Variants in TOGARAM1 observed in about 807,000 individuals in gnomAD.
TOGARAM1 encodes the protein TOG array regulator of axonemal microtubules protein 1.
In TOGARAM1, 100 loss-of-function variants were observed where a neutral mutation model predicts 166.6. The observed-to-expected ratio is 0.60, with a 90% CI of 0.51 to 0.71. The LOEUF is 0.71. TOGARAM1 is among the 30% of genes least tolerant of loss of function. The pLI is 0.00. For synonymous variants in TOGARAM1, 758 were observed against 763.8 expected (o/e 0.99, Z 0.13); for missense variants, 2,029 against 2,102.7 (o/e 0.96, Z 0.69).
intron 16 of TOGARAM1, among the ~76,000 whole-genome samples, chr14:45,055,915 G>A (rs1882615400): frequency 6.9e-6 from 1 of 145,268 alleles, no homozygotes; most frequent in South Asian, 2.2e-4. Flanking sequence ...CTAAGTCTGT[G>A]ATAAATGATA....
chr14:45,002,479 A>G (rs963896820), intron 3 of TOGARAM1, among the ~76,000 whole-genome samples: 19 of 152,218 alleles, frequency 1.2e-4, no homozygotes, highest in African/African-American at 4.6e-4. Context: ...TTATACATTA[A>G]AACCACTACC....
At chr14:45,071,842 G>A (rs765991254) in intron 19 of TOGARAM1, 44 bp downstream of exon 19, 75 of 1,343,760 alleles carry the variant, frequency 5.6e-5, no homozygotes, top group Admixed American at 2.9e-4. Context: ...ATTAACTAAG[G>A]ATAAACTGAT....
Position 45,066,595 on chromosome 14 carries a change from G to A in TOGARAM1, c.4577G>A (p.Arg1526His), listed in dbSNP as rs751503051. 2.1e-5 allele frequency: 34 copies of A among 1,606,588 alleles called. No individual in the cohort carries two copies. The highest frequency in any genetic ancestry group is 1.7e-4 in the Middle Eastern group (1 of 6,042). ...NSAERAVTEV[R>H]EVTRKSVPRN... is the part of the protein sequence containing the mutation. Reference sequence around the variant, plus strand: ...CACTTTAGAGCTGTAACTGAAGTTCGTGAAGTCACCAGAAAATCAGTCCCT... The same window carrying A: ...CACTTTAGAGCTGTAACTGAAGTTCATGAAGTCACCAGAAAATCAGTCCCT... The change falls in exon 17 of 20, where the codon CGT (arginine) becomes CAT (histidine). Residue 1526 changes from arginine (R) to histidine (H), a missense_variant. By Grantham distance (29) the Arg-to-His change is conservative. Coordinates refer to ENST00000361462, the MANE Select transcript of TOGARAM1 (RefSeq NM_001308120.2).
intron 11 of TOGARAM1, among the ~76,000 whole-genome samples, chr14:45,040,123 G>T (rs1381607716): frequency 6.6e-6 from 1 of 152,134 alleles, no homozygotes; most frequent in South Asian, 2.1e-4. Flanking sequence ...TTGTTCTCTG[G>T]AATTAAATTG....
chr14:45,045,591 G>A (rs1362850764), intron 13 of TOGARAM1, among the ~76,000 whole-genome samples: 1,231 of 44,416 alleles, frequency 0.028, 14 homozygotes, highest in African/African-American at 0.064. Context: ...ATATGTGTGT[G>A]TGTGTGTGTG....
chr14:45,053,918 C>T (rs111760219), intron 15 of TOGARAM1, among the ~76,000 whole-genome samples: 1,947 of 152,026 alleles, frequency 0.013, 31 homozygotes, highest in African/African-American at 0.041. Context: ...CATGCTCTGT[C>T]GCTCAGGCTG....
Position 44,963,182 on chromosome 14 carries a change from C to T in TOGARAM1, c.761C>T (p.Thr254Ile), listed in dbSNP as rs751796645. The change falls in exon 1 of 20, where the codon ACC becomes ATC. Residue 254 changes from threonine (T) to isoleucine (I), a missense_variant. This residue lies in a region of TOGARAM1 where 1,453 missense variants were observed against 1,432.2 expected (regional missense o/e 1.01). Coordinates refer to ENST00000361462, the MANE Select transcript of TOGARAM1 (RefSeq NM_001308120.2). ...TEDLLLGLDL[T>I]EVIISLARKL... ...GACTTGTTGCTTGGTCTGGATCTCA[C>T]CGAGGTGATAATATCCCTAGCCCGA... The T allele has an allele frequency of 6.2e-7, 1 of 1,614,166 alleles. No individual in the cohort carries two copies. The highest frequency in any genetic ancestry group is 8.5e-7 in the Non-Finnish European group (1 of 1,180,042).
intron 13 of TOGARAM1, 77 bp downstream of exon 13, chr14:45,044,947 A>G (rs1881915195): frequency 1.9e-6 from 2 of 1,041,958 alleles, no homozygotes; most frequent in South Asian, 1.7e-5. Flanking sequence ...AAAAGAAACA[A>G]GCAAATCTTA....
intron 4 of TOGARAM1, among the ~76,000 whole-genome samples, chr14:45,004,740 CTG>C (rs1219343485): frequency 6.6e-6 from 1 of 152,102 alleles, no homozygotes; most frequent in Non-Finnish European, 1.5e-5. Context: ...GCTTGAGCCA[CTG>C]TGCTGGGCCA....
In TOGARAM1 at chr14:45,048,235, C is replaced by CTA. The variant is rs1338171958; in HGVS notation, c.4313+1532_4313+1533insTA. 2.0e-5 allele frequency among the ~76,000 whole-genome samples: 3 copies of CTA among 149,638 alleles called. No individual in the cohort carries two copies. The East Asian group carries it at 5.9e-4, about 29-fold the overall frequency. ...GGCATGGCGGCATGCGCCTGTAGTT[C>CTA]CAGCTACTCGGGAGGCTGAGGCAGG... On this transcript the variant is annotated intron_variant, in intron 14 of 19. Transcript: ENST00000361462.
chr14:45,005,469 G>C (rs1286270144), intron 4 of TOGARAM1, among the ~76,000 whole-genome samples: 1 of 151,934 alleles, frequency 6.6e-6, no homozygotes, highest in Non-Finnish European at 1.5e-5. Flanking sequence ...ACAAAAATTA[G>C]CCGGGCTGAT....
intron 1 of TOGARAM1, among the ~76,000 whole-genome samples, chr14:44,986,760 A>C (rs1886823912): frequency 6.6e-6 from 1 of 151,718 alleles, no homozygotes; most frequent in African/African-American, 2.4e-5. Context: ...TAATCCCAGC[A>C]CTTTGGGAGG....
At chr14:44,990,034 G>C (rs1426640952) in intron 1 of TOGARAM1, among the ~76,000 whole-genome samples, 1 of 152,146 alleles carries the variant, frequency 6.6e-6, no homozygotes, top group East Asian at 1.9e-4. Context: ...TGGGGGACAT[G>C]GTCCCCATGA....
chr14:45,037,810 G>A lies in TOGARAM1; in HGVS notation c.3812+5434G>A, dbSNP rs941066755. ...TGGGAGGCTGAGGCGGGCGGATCAC[G>A]AGGTCAGGAGATTGAGACCATCCTG... On this transcript the variant is annotated intron_variant, in intron 11 of 19. Transcript: ENST00000361462. 5.3e-5 allele frequency among the ~76,000 whole-genome samples: 8 copies of A among 151,190 alleles called. No individual in the cohort carries two copies. The East Asian group carries it at 9.8e-4, about 19-fold the overall frequency.
intron 11 of TOGARAM1, among the ~76,000 whole-genome samples, chr14:45,034,029 C>A (rs10130162): frequency 1.3e-5 from 2 of 151,910 alleles, no homozygotes; most frequent in Non-Finnish European, 2.9e-5. Flanking sequence ...TGGTGGCACA[C>A]GTCTGTAGTA....
chr14:45,017,025 C>T (rs1303086695), intron 7 of TOGARAM1, among the ~76,000 whole-genome samples: 4 of 152,046 alleles, frequency 2.6e-5, no homozygotes, highest in African/African-American at 4.8e-5. Context: ...ATTTTGAAGA[C>T]GATAGGTCAC....
Position 45,006,557 on chromosome 14 carries a change from A to G in TOGARAM1, c.2904+290A>G, listed in dbSNP as rs955114091. 10 of 241,418 alleles carry G rather than the reference A, an allele frequency of 4.1e-5. No individual in the cohort carries two copies. The East Asian group carries it at 4.7e-4, about 11-fold the overall frequency. The allele number at this position is 241,418 out of a possible 1,614,324, so 15.0% of individuals were successfully genotyped here. A position where few individuals can be genotyped will look rare whatever the true frequency, so the allele number is the denominator to read the frequency against. On this transcript the variant is annotated intron_variant, in intron 5 of 19. Coordinates refer to ENST00000361462, the MANE Select transcript of TOGARAM1 (RefSeq NM_001308120.2). ...TAAAAGTATGAATAATAATATAGCA[A>G]TACACTCATGTACTGACCCTTCCAG...
intron 2 of TOGARAM1, among the ~76,000 whole-genome samples, chr14:44,997,673 T>A (rs1318027981): frequency 6.6e-6 from 1 of 152,104 alleles, no homozygotes; most frequent in Non-Finnish European, 1.5e-5. Flanking sequence ...CCTTTGTGGA[T>A]ATTCTTCAAC....
intron 16 of TOGARAM1, among the ~76,000 whole-genome samples, chr14:45,063,485 T>TTTTTC (rs1882996367): frequency 7.5e-6 from 1 of 132,774 alleles, no homozygotes; most frequent in African/African-American, 2.8e-5. Context: ...CAAAGTTTTT[T>TTTTTC]TTTTTTTTTT....
Sources: gnomAD v4.1 joint callset for allele counts (sites outside exome capture counted in the v4.1 genomes callset) on GRCh38, gnomAD v4.1.1 for gene constraint, gnomAD v4.1.1 regional missense constraint, MANE v1.5 for transcripts, NCBI Gene and HGNC (gene_info 2026-07-23, HGNC 2026-07-21) for gene names.